CPXM2: variants seen among roughly 807,000 people sequenced by gnomAD.
CPXM2 encodes the protein inactive carboxypeptidase-like protein X2.
CPXM2 carries 66 observed loss-of-function variants against 86.1 expected under a neutral mutation model. That is an observed-to-expected ratio of 0.77 (90% CI 0.63 to 0.94). CPXM2 has a LOEUF of 0.94. Ranked by LOEUF, CPXM2 falls within the 40% of genes least tolerant of loss-of-function variation. The probability of loss-of-function intolerance (pLI) is 0.00; values close to 1 mark genes in which losing one functional copy is unlikely to be tolerated. For missense variants in CPXM2, 948 were observed against 1,026.3 expected, an observed-to-expected ratio of 0.92 and a Z score of 1.04; for synonymous variants, 388 against 400.2, an observed-to-expected ratio of 0.97 and a Z score of 0.36.
At chr10:123,832,259 G>T (rs1026625694) in intron 4 of CPXM2, among the ~76,000 whole-genome samples, 1 of 152,124 alleles carries the variant, frequency 6.6e-6, no homozygotes, top group African/African-American at 2.4e-5. Flanking sequence ...AGTCAGCCCT[G>T]GGGGAGCCAT....
chr10:123,835,377 C>T (rs1184310376), intron 4 of CPXM2, among the ~76,000 whole-genome samples: 1 of 152,194 alleles, frequency 6.6e-6, no homozygotes. Context: ...ATCATCAACA[C>T]CCAGAAAGCC....
At chr10:123,765,718 C>T (rs1056673539) in intron 10 of CPXM2, among the ~76,000 whole-genome samples, 2 of 152,228 alleles carry the variant, frequency 1.3e-5, no homozygotes, top group Non-Finnish European at 2.9e-5. Flanking sequence ...GGCATTGCCG[C>T]CGTCTGTCTT....
chr10:123,861,218 CA>C (rs1231953178), intron 3 of CPXM2, among the ~76,000 whole-genome samples: 4 of 152,118 alleles, frequency 2.6e-5, no homozygotes, highest in African/African-American at 4.8e-5. Flanking sequence ...CTCTCAGGGC[CA>C]GGGGCAAGGA....
intron 6 of CPXM2, among the ~76,000 whole-genome samples, chr10:123,791,788 T>C (rs1044796416): frequency 6.6e-6 from 1 of 152,308 alleles, no homozygotes; most frequent in East Asian, 1.9e-4. Flanking sequence ...TAAGATCACA[T>C]TGGAGGTTCT....
Position 123,862,740 on chromosome 10 carries a change from C to A in CPXM2, c.404-17G>T. 1.3e-6 allele frequency: 2 copies of A among 1,598,036 alleles called. No individual in the cohort carries two copies. The highest frequency in any genetic ancestry group is 1.7e-6 in the Non-Finnish European group (2 of 1,165,914). The stretch of plus-strand genomic sequence containing the variant: ...GTGGGCAACCTGGAAAGGACAAATG[C>A]TTGTTAAAAACAACGACAGATGCTG... On this transcript the variant is annotated splice_polypyrimidine_tract_variant and intron_variant, in intron 2 of 13. Transcript: ENST00000241305.
rs1261595214 is a variant in CPXM2, at chr10:123,865,317, G to A, written c.404-2594C>T. 6.6e-6 allele frequency among the ~76,000 whole-genome samples: 1 copy of A among 152,224 alleles called. No individual in the cohort carries two copies. The highest frequency in any genetic ancestry group is 1.5e-5 in the Non-Finnish European group (1 of 68,050). ...ACAAAGAAGCTAGAGATTCCACACAGAGAAAACACAATGTCCTTGAAAGGC... is the reference window on the plus strand; with the variant it reads ...ACAAAGAAGCTAGAGATTCCACACAAAGAAAACACAATGTCCTTGAAAGGC... On this transcript the variant is annotated intron_variant, in intron 2 of 13. Transcript: ENST00000241305. The surrounding 1 kb of genome is among the most constrained non-coding windows in gnomAD (Gnocchi z 4.7).
At position 123,908,496 on chromosome 10, in the gene CPXM2, G is replaced by A. The variant is rs114638570; in HGVS notation, n.175-28187C>T. On this transcript the variant is annotated intron_variant and non_coding_transcript_variant, in intron 2 of 19. Coordinates refer to the CPXM2 transcript ENST00000368854. ...GACCCCGGGCAGGTTCTGGGAAGTCGGCCACAAGGACTCAATCTGCAGCCT... is the reference window on the plus strand; with the variant it reads ...GACCCCGGGCAGGTTCTGGGAAGTCAGCCACAAGGACTCAATCTGCAGCCT... Among the ~76,000 whole-genome samples the A allele has an allele frequency of 7.7e-3, 1,178 of 152,236 alleles. 16 individuals are homozygous for A. Among genetic ancestry groups the A allele is most frequent in the African/African-American group, 0.024 (999 of 41,516 alleles).
chr10:123,924,156 C>T (rs1228786180), intron 2 of CPXM2, among the ~76,000 whole-genome samples: 1 of 152,254 alleles, frequency 6.6e-6, no homozygotes, highest in Non-Finnish European at 1.5e-5. Context: ...TACCAAGCAG[C>T]TCACCAAATC....
Position 123,923,437 on chromosome 10 carries a change from C to T in CPXM2, n.174+16040G>A, listed in dbSNP as rs528446841. On this transcript the variant is annotated intron_variant and non_coding_transcript_variant, in intron 2 of 19. Coordinates refer to the CPXM2 transcript ENST00000368854. ...CTACTAAAAATACAAAAAAATTAGC[C>T]GGGCGTGGTGGCGGGCGCCTGTAGT... Among the ~76,000 whole-genome samples, 78 of 149,018 alleles carry T rather than the reference C, an allele frequency of 5.2e-4. No individual in the cohort carries two copies. In the East Asian group the frequency reaches 7.0e-3, roughly 13 times the overall value.
intron 9 of CPXM2, 177 bp downstream of exon 9, chr10:123,768,349 G>A (rs1265867032): frequency 6.3e-6 from 2 of 319,830 alleles, no homozygotes; most frequent in Non-Finnish European, 5.4e-6. Flanking sequence ...ACTCCAGCCT[G>A]GGCAACAGAG....
At chr10:123,869,993 G>A (rs1296011893) in intron 2 of CPXM2, among the ~76,000 whole-genome samples, 2 of 152,094 alleles carry the variant, frequency 1.3e-5, no homozygotes, top group South Asian at 2.1e-4. Flanking sequence ...AGGGGGTGGG[G>A]GGCCGTTATG....
At chr10:123,776,695 C>G (rs2134020413) in intron 7 of CPXM2, 1 of 152,290 alleles carries the variant, frequency 6.6e-6, no homozygotes, top group African/African-American at 2.4e-5. Context: ...CCAATATTCG[C>G]TGAGAAACAC....
chr10:123,781,866 C>T (rs1219024041), intron 6 of CPXM2, among the ~76,000 whole-genome samples: 1 of 152,220 alleles, frequency 6.6e-6, no homozygotes, highest in African/African-American at 2.4e-5. Flanking sequence ...TGCATCCCCA[C>T]AGCCACAGGT....
At position 123,746,973 on chromosome 10, in the gene CPXM2, CAT is replaced by C; in HGVS notation, c.2060_2061del (p.Tyr687CysfsTer21). The C allele has an allele frequency of 6.2e-7, 1 of 1,614,196 alleles. No individual in the cohort carries two copies. On this transcript the variant is annotated frameshift_variant, in exon 14 of 14. Transcript: ENST00000241305. LOFTEE classifies it high-confidence loss of function. Reference protein sequence around the residue: ...DYWRLLNPGEYVVTAKAEGFT... With the variant: ...DYWRLLNPGEXVVTAKAEGFT... ...AAACCTTCGGCCTTTGCTGTGACCA[CAT>C]ACTCTCCAGGGTTCAGGAGGCGCCA...
chr10:123,858,488 T>C (rs1293261912), intron 3 of CPXM2, among the ~76,000 whole-genome samples: 2 of 152,234 alleles, frequency 1.3e-5, no homozygotes, highest in African/African-American at 4.8e-5. Flanking sequence ...TCTGTTGACT[T>C]GGGAGGCAAT....
chr10:123,781,705 G>A (rs1846938569), intron 6 of CPXM2, among the ~76,000 whole-genome samples: 1 of 152,214 alleles, frequency 6.6e-6, no homozygotes, highest in Non-Finnish European at 1.5e-5. Flanking sequence ...CCACAGACCA[G>A]TAGCATTGCC....
chr10:123,817,180 C>T (rs1847830222), intron 4 of CPXM2, among the ~76,000 whole-genome samples: 1 of 152,158 alleles, frequency 6.6e-6, no homozygotes, highest in Admixed American at 6.6e-5. Flanking sequence ...TATTGAATGA[C>T]CCAAAAGGCT....
chr10:123,793,405 G>A (rs923305835), intron 6 of CPXM2, among the ~76,000 whole-genome samples: 4 of 143,834 alleles, frequency 2.8e-5, no homozygotes, highest in African/African-American at 5.2e-5. Context: ...GGAGGTTGCA[G>A]TGAGCCCAGA....
rs758572547 is a variant in CPXM2, at chr10:123,746,961, T to C, written c.2074A>G (p.Lys692Glu). 22 of 1,614,056 alleles carry C rather than the reference T, an allele frequency of 1.4e-5. No individual in the cohort carries two copies. Among genetic ancestry groups the C allele is most frequent in the East Asian group, 2.2e-5 (1 of 44,894 alleles). ...GTGGATGCAGTGAAACCTTCGGCCT[T>C]TGCTGTGACCACATACTCTCCAGGG... is the stretch of plus-strand genomic sequence containing the variant. ...LNPGEYVVTA[K>E]AEGFTASTKN... The change falls in exon 14 of 14, where the codon AAG (lysine) becomes GAG (glutamate). Residue 692 changes from lysine to glutamate, a missense_variant. Lys to Glu is a moderately conservative substitution (Grantham distance 56). Transcript: ENST00000241305.
Sources: gnomAD v4.1 joint callset for allele counts (sites outside exome capture counted in the v4.1 genomes callset) on GRCh38, gnomAD v4.1.1 for gene constraint, Gnocchi (gnomAD v3.1) non-coding constraint, MANE v1.5 for transcripts, NCBI Gene and HGNC (gene_info 2026-07-23, HGNC 2026-07-21) for gene names.